The following SIDT1 variants were observed in gnomAD, a reference collection of about 807,000 sequenced individuals.
The protein encoded by SIDT1 is SID1 transmembrane family, member 1.
In SIDT1, 101 loss-of-function variants were observed where a neutral mutation model predicts 107.5. That is an observed-to-expected ratio of 0.94 (90% CI 0.80 to 1.11). The LOEUF (loss-of-function observed/expected upper bound fraction) is 1.11. Ranked by LOEUF, SIDT1 falls within the 50% of genes least tolerant of loss-of-function variation. SIDT1 has a pLI of 0.00. For missense variants in SIDT1, 1,076 were observed against 1,058.2 expected (o/e 1.02, Z -0.23); for synonymous variants, 395 against 398.2 (o/e 0.99, Z 0.10).
chr3:113,629,480 T>A lies in SIDT1; in HGVS notation c.*1772T>A, dbSNP rs140709662. ...TGAGCCCAGGAGATTGACGCCGCAG[T>A]GAACTATGATTGTGCCCCTGCACTC... is the stretch of plus-strand genomic sequence containing the variant. On this transcript the variant is annotated 3_prime_UTR_variant, in exon 25 of 25. Transcript: ENST00000264852. The A allele has an allele frequency of 6.6e-6, 1 of 152,356 alleles. No individual in the cohort carries two copies. Among genetic ancestry groups the A allele is most frequent in the East Asian group, 1.9e-4 (1 of 5,184 alleles). 9.4% of individuals were successfully genotyped at this position (152,356 alleles called of 1,614,324 possible). A position where few individuals can be genotyped will look rare whatever the true frequency, so the allele number is the denominator to read the frequency against.
intron 1 of SIDT1, among the ~76,000 whole-genome samples, chr3:113,546,629 T>C (rs545572027): frequency 2.0e-5 from 3 of 152,302 alleles, no homozygotes; most frequent in Non-Finnish European, 2.9e-5. Flanking sequence ...TCTGATACAA[T>C]GTATAGAAAT....
chr3:113,616,161 C>T lies in SIDT1; in HGVS notation c.2028C>T (p.Ser676=), dbSNP rs1436384615. 2 of 1,613,144 alleles carry T rather than the reference C, an allele frequency of 1.2e-6. No homozygotes were observed. The highest frequency in any genetic ancestry group is 1.7e-6 in the Non-Finnish European group (2 of 1,179,194). The change falls in exon 20 of 25, where the codon AGC becomes AGT. Residue 676 remains serine (S), a synonymous_variant. Transcript: ENST00000264852. The part of the protein sequence containing the change: ...VFYTDCIQQC[S]RPLYMDRMVL... ...ACACAGACTGTATCCAGCAGTGTAG[C>T]CGACCTCTATATATGGTATGTGCAT...
intron 1 of SIDT1, among the ~76,000 whole-genome samples, chr3:113,547,397 T>C (rs1429024009): frequency 2.0e-5 from 3 of 152,164 alleles, no homozygotes; most frequent in Non-Finnish European, 4.4e-5. Flanking sequence ...CAAATATAAG[T>C]TATATATTAA....
At chr3:113,540,204 C>T (rs1220903782) in intron 1 of SIDT1, among the ~76,000 whole-genome samples, 1 of 152,010 alleles carries the variant, frequency 6.6e-6, no homozygotes, top group Non-Finnish European at 1.5e-5. Flanking sequence ...CTCATTGGAA[C>T]TAATAAAGTG....
chr3:113,620,148 T>C (rs4588335), intron 21 of SIDT1, among the ~76,000 whole-genome samples: 2 of 151,932 alleles, frequency 1.3e-5, no homozygotes, highest in Non-Finnish European at 2.9e-5. Flanking sequence ...TCATAAAGAC[T>C]ACCCAGTAGG....
At chr3:113,540,688 C>T (rs553805139) in intron 1 of SIDT1, among the ~76,000 whole-genome samples, 3 of 152,262 alleles carry the variant, frequency 2.0e-5, no homozygotes, top group Admixed American at 2.0e-4. Context: ...TAGCTTCTGT[C>T]CTTGTCTTCT....
rs1453349483 is a variant in SIDT1 at position 113,625,999 on chromosome 3, G to A, written c.2308-103G>A. On this transcript the variant is annotated intron_variant, in intron 23 of 24. Transcript: ENST00000264852. ...ATGTTTTCTTGGAAGCTAACTTTTC[G>A]AACCAGACATCTAGTAGCGTTTTTG... 3.1e-5 allele frequency: 24 copies of A among 784,034 alleles called. 1 individual carries two copies. The highest frequency in any genetic ancestry group is 2.3e-4 in the Middle Eastern group (1 of 4,292). The allele number at this position is 784,034 out of a possible 1,614,324, so 48.6% of individuals were successfully genotyped here.
intron 20 of SIDT1, among the ~76,000 whole-genome samples, chr3:113,616,986 C>A (rs1946156369): frequency 6.6e-6 from 1 of 151,970 alleles, no homozygotes; most frequent in African/African-American, 2.4e-5. Context: ...CCGTGCCCTG[C>A]CCAATAATGA....
downstream of SIDT1, among the ~76,000 whole-genome samples, chr3:113,629,782 A>G (rs1947067565): frequency 6.6e-6 from 1 of 152,212 alleles, no homozygotes; most frequent in Admixed American, 6.5e-5. Context: ...GAAAGGGTGG[A>G]CTGTGCTGCT....
chr3:113,604,290 T>C (rs1945169550), intron 13 of SIDT1, among the ~76,000 whole-genome samples: 1 of 152,214 alleles, frequency 6.6e-6, no homozygotes, highest in Non-Finnish European at 1.5e-5. Flanking sequence ...TCTACTCTTG[T>C]GACAGCTCCT....
At chr3:113,583,614 TG>T in intron 7 of SIDT1, 118 bp downstream of exon 7, 1 of 608,228 alleles carries the variant, frequency 1.6e-6, no homozygotes, top group Non-Finnish European at 2.8e-6. Context: ...ATCATCATGA[TG>T]GGAAAGGCAT....
At chr3:113,578,399 G>A (rs1049284264) in intron 4 of SIDT1, among the ~76,000 whole-genome samples, 3 of 151,388 alleles carry the variant, frequency 2.0e-5, no homozygotes, top group African/African-American at 7.3e-5. Flanking sequence ...CCCGGGAGGC[G>A]GAGCTTGCAG....
chr3:113,536,338 G>A (rs763655708), intron 1 of SIDT1, among the ~76,000 whole-genome samples: 15 of 152,160 alleles, frequency 9.9e-5, no homozygotes, highest in Non-Finnish European at 1.5e-4. Flanking sequence ...GGACATGACT[G>A]GTTTCCCTTT....
rs756766276 is a variant in SIDT1, at chr3:113,566,444, A to G, written c.247A>G (p.Asn83Asp). Reference sequence around the variant, plus strand: ...GGTGACAGCCGTGAGGGTGTATGTGAACAGTTCCTCTGAGAATCTCAACTA... The same window carrying G: ...GGTGACAGCCGTGAGGGTGTATGTGGACAGTTCCTCTGAGAATCTCAACTA... Reference protein sequence around the residue: ...DQVTAVRVYVNSSSENLNYPV... With the variant: ...DQVTAVRVYVDSSSENLNYPV... The change falls in exon 2 of 25, where the codon AAC becomes GAC. Residue 83 changes from asparagine to aspartate, a missense_variant. Coordinates refer to ENST00000264852, the MANE Select transcript of SIDT1 (RefSeq NM_017699.3). 3 of 1,614,016 alleles carry G rather than the reference A, an allele frequency of 1.9e-6. No homozygotes were observed. In the South Asian group the frequency reaches 3.3e-5, roughly 18 times the overall value.
intron 8 of SIDT1, among the ~76,000 whole-genome samples, 166 bp downstream of exon 8, chr3:113,584,935 T>TA (rs1206424824): frequency 6.6e-6 from 1 of 152,108 alleles, no homozygotes; most frequent in Admixed American, 6.5e-5. Flanking sequence ...AAATCCCTCC[T>TA]AAAAAGAAAG....
At chr3:113,626,310 C>T in intron 24 of SIDT1, 95 bp downstream of exon 24, 1 of 782,562 alleles carries the variant, frequency 1.3e-6, no homozygotes, top group African/African-American at 1.7e-5. Context: ...TTATATTCCT[C>T]TCTAATTTTA....
intron 1 of SIDT1, among the ~76,000 whole-genome samples, chr3:113,550,608 CT>C (rs916621401): frequency 7.2e-5 from 11 of 152,150 alleles, no homozygotes; most frequent in African/African-American, 2.6e-4. Context: ...GCATTTGAGA[CT>C]TTTTTTCTGG....
At position 113,564,229 on chromosome 3, in the gene SIDT1, C is replaced by A. The variant is rs370729930; in HGVS notation, c.223-2191C>A. ...TGCTGGGATTACAGGCGTGAGCCGC[C>A]GTGCCTGGCCTGGTGTGTACTTTCA... On this transcript the variant is annotated intron_variant, in intron 1 of 24. Transcript: ENST00000264852. Among the ~76,000 whole-genome samples the A allele has an allele frequency of 5.2e-4, 79 of 152,300 alleles. 1 individual carries two copies. Among genetic ancestry groups the A allele is most frequent in the African/African-American group, 1.9e-3 (77 of 41,554 alleles).
In SIDT1 at chr3:113,612,111, T is replaced by A; in HGVS notation, c.1883T>A (p.Phe628Tyr). 3 of 1,614,112 alleles carry A rather than the reference T, an allele frequency of 1.9e-6. No homozygotes were observed. The highest frequency in any genetic ancestry group is 1.6e-4 in the Middle Eastern group (1 of 6,062). ...GTGTTTGGAAAAAATGACGTATGGT[T>A]CTGGGTCATCTTCTCTGCAATCCAC... ...GVVFGKNDVW[F>Y]WVIFSAIHVL... The change falls in exon 19 of 25, where the codon TTC (phenylalanine) becomes TAC (tyrosine). Residue 628 changes from phenylalanine (F) to tyrosine (Y), a missense_variant. Phe to Tyr is a conservative substitution (Grantham distance 22). Coordinates refer to ENST00000264852, the MANE Select transcript of SIDT1 (RefSeq NM_017699.3).
Sources: gnomAD v4.1 joint callset for allele counts (sites outside exome capture counted in the v4.1 genomes callset) on GRCh38, gnomAD v4.1.1 for gene constraint, MANE v1.5 for transcripts, NCBI Gene and HGNC (gene_info 2026-07-23, HGNC 2026-07-21) for gene names.